Variants in ABCB5 observed in about 807,000 individuals in gnomAD.
ABCB5 encodes ATP-binding cassette sub-family B member 5.
Under a neutral mutation model 144.2 loss-of-function variants are expected in ABCB5, and 155 were observed. The observed-to-expected ratio is 1.08, with a 90% confidence interval of 0.94 to 1.23. The LOEUF (loss-of-function observed/expected upper bound fraction) is 1.23, where lower values mean the gene tolerates loss of function less well. Ranked by LOEUF, ABCB5 falls within the 50% of genes most tolerant of loss-of-function variation. ABCB5 has a pLI of 0.00. For missense variants in ABCB5, 1,830 were observed against 1,520.8 expected (o/e 1.20, Z -3.38); for synonymous variants, 610 against 528.6 (o/e 1.15, Z -2.11).
intron 15 of ABCB5, 32 bp from the exon 16 acceptor site, chr7:20,685,664 T>C (rs754668433): frequency 2.6e-6 from 4 of 1,547,660 alleles, no homozygotes; most frequent in Middle Eastern, 1.7e-4. Flanking sequence ...AAGGCATTCT[T>C]ATAATGATAA....
chr7:20,639,575 T>G (rs1784244400), intron 5 of ABCB5, among the ~76,000 whole-genome samples: 1 of 152,218 alleles, frequency 6.6e-6, no homozygotes, highest in African/African-American at 2.4e-5. Flanking sequence ...GCTGTCCAGT[T>G]GTCCCAGAAC....
chr7:20,654,146 T>G (rs1189134301), intron 13 of ABCB5, among the ~76,000 whole-genome samples: 1 of 152,154 alleles, frequency 6.6e-6, no homozygotes, highest in East Asian at 1.9e-4. Context: ...CAGTCAGTGC[T>G]TGAGTTGCCT....
At chr7:20,662,767 G>A (rs1785043142) in intron 14 of ABCB5, among the ~76,000 whole-genome samples, 1 of 152,154 alleles carries the variant, frequency 6.6e-6, no homozygotes, top group Non-Finnish European at 1.5e-5. Flanking sequence ...TTCTTTCAGA[G>A]TAATGGTCCT....
chr7:20,741,380 T>C (rs1490792329), intron 24 of ABCB5, among the ~76,000 whole-genome samples: 1 of 151,964 alleles, frequency 6.6e-6, no homozygotes, highest in Non-Finnish European at 1.5e-5. Context: ...CGGTATTCTG[T>C]TTTTTTAAAA....
intron 15 of ABCB5, among the ~76,000 whole-genome samples, chr7:20,682,051 A>T (rs1785849690): frequency 6.6e-6 from 1 of 152,056 alleles, no homozygotes; most frequent in African/African-American, 2.4e-5. Context: ...AAAAACACAC[A>T]AAAATTAGCT....
intron 16 of ABCB5, among the ~76,000 whole-genome samples, chr7:20,689,642 G>A (rs1786141015): frequency 6.6e-6 from 1 of 152,118 alleles, no homozygotes; most frequent in African/African-American, 2.4e-5. Context: ...GCAGGCACCT[G>A]CCTCTGAAAA....
At chr7:20,656,258 A>G (rs1286068554) in intron 13 of ABCB5, among the ~76,000 whole-genome samples, 2 of 152,316 alleles carry the variant, frequency 1.3e-5, no homozygotes, top group East Asian at 3.9e-4. Context: ...TTACTATAAA[A>G]AAAAGATAAA....
At chr7:20,728,085 G>C (rs1316568936) in intron 22 of ABCB5, among the ~76,000 whole-genome samples, 1 of 151,780 alleles carries the variant, frequency 6.6e-6, no homozygotes, top group Non-Finnish European at 1.5e-5. Flanking sequence ...TTGTTATACT[G>C]AACTAGAGAG....
At chr7:20,635,836 T>A (rs1425294672) in intron 5 of ABCB5, among the ~76,000 whole-genome samples, 1 of 152,148 alleles carries the variant, frequency 6.6e-6, no homozygotes, top group Admixed American at 6.6e-5. Context: ...TAAGACCATA[T>A]CATCAGCAAA....
chr7:20,652,817 T>C (rs576655510), intron 13 of ABCB5, among the ~76,000 whole-genome samples: 37 of 152,332 alleles, frequency 2.4e-4, no homozygotes, highest in African/African-American at 8.2e-4. Context: ...GATTTGCAAT[T>C]AAAATACATA....
Position 20,651,437 on chromosome 7 carries a change from T to C in ABCB5, c.1350T>C (p.Asn450=). 1 of 1,614,032 alleles carries C rather than the reference T, an allele frequency of 6.2e-7. No homozygotes were observed. ...ATTGGCAGATCATGGTGGATGAGAA[T>C]GACATCAGAGCTTTAAATGTGCGGC... ...PDDGFIMVDE[N]DIRALNVRHY... Residue 450 remains asparagine (N), a synonymous_variant, in exon 13 of 28, where the codon AAT becomes AAC. Transcript: ENST00000404938.
Position 20,745,097 on chromosome 7 carries a change from G to A in ABCB5, c.3223-135G>A. Reference sequence around the variant, plus strand: ...AACGTATGATTTATGAGCCTTCCTTGGGTAACTTTATACTTTGAAATAGCT... The same window carrying A: ...AACGTATGATTTATGAGCCTTCCTTAGGTAACTTTATACTTTGAAATAGCT... On this transcript the variant is annotated intron_variant, in intron 25 of 27. Transcript: ENST00000404938. The A allele has an allele frequency of 4.4e-6, 4 of 908,090 alleles. No individual in the cohort carries two copies. In the East Asian group the frequency reaches 7.8e-5, roughly 18 times the overall value. 56.3% of individuals were successfully genotyped at this position (908,090 alleles called of 1,614,324 possible). A position where few individuals can be genotyped will look rare whatever the true frequency, so the allele number is the denominator to read the frequency against.
intron 21 of ABCB5, among the ~76,000 whole-genome samples, chr7:20,723,464 G>A (rs1781938546): frequency 6.6e-6 from 1 of 152,180 alleles, no homozygotes; most frequent in Admixed American, 6.5e-5. Context: ...AATTAGCTGA[G>A]TTAGAATCCA....
intron 14 of ABCB5, among the ~76,000 whole-genome samples, chr7:20,680,514 G>C (rs1024453735): frequency 6.6e-6 from 1 of 151,110 alleles, no homozygotes; most frequent in Admixed American, 6.6e-5. Context: ...AGCTTGCAGT[G>C]AGCCGAGATT....
intron 16 of ABCB5, among the ~76,000 whole-genome samples, chr7:20,687,653 G>T (rs896825833): frequency 1.3e-5 from 2 of 152,180 alleles, no homozygotes; most frequent in African/African-American, 4.8e-5. Flanking sequence ...GTGACTCAAT[G>T]GCCATATTTT....
At chr7:20,671,610 A>G (rs940860011) in intron 14 of ABCB5, among the ~76,000 whole-genome samples, 14 of 152,196 alleles carry the variant, frequency 9.2e-5, no homozygotes, top group African/African-American at 3.1e-4. Flanking sequence ...ATTCAGCATA[A>G]TTATTTTGAG....
rs561111970 is a variant in ABCB5, at chr7:20,676,599, GAA to G, written c.1708-4904_1708-4903del. Among the ~76,000 whole-genome samples, 362 of 152,250 alleles carry G rather than the reference GAA, an allele frequency of 2.4e-3. 4 individuals carry two copies. Among genetic ancestry groups the G allele is most frequent in the African/African-American group, 8.3e-3 (346 of 41,538 alleles). On this transcript the variant is annotated intron_variant, in intron 14 of 27. Transcript: ENST00000404938. ...GGCTGCTAGGGAATGAGCAGGGAGAGAAACAGGGAATTGCTGTTCAGTGGGAA... is the reference window on the plus strand; with the variant it reads ...GGCTGCTAGGGAATGAGCAGGGAGAGACAGGGAATTGCTGTTCAGTGGGAA...
rs573493398 is a variant in ABCB5 at position 20,710,146 on chromosome 7, G to A, written c.2421+5339G>A. On this transcript the variant is annotated intron_variant, in intron 20 of 27. Transcript: ENST00000404938. ...ACCCAGCACTTTGGGAGACCGAGGC[G>A]GGTGGATCACCTGAGGTCGGGAGTT... Among the ~76,000 whole-genome samples the A allele has an allele frequency of 6.7e-5, 10 of 148,240 alleles. 1 individual carries two copies. Among genetic ancestry groups the A allele is most frequent in the Admixed American group, 3.4e-4 (5 of 14,884 alleles).
At chr7:20,688,450 A>G (rs577892963) in intron 16 of ABCB5, among the ~76,000 whole-genome samples, 3 of 152,308 alleles carry the variant, frequency 2.0e-5, no homozygotes, top group Admixed American at 2.0e-4. Flanking sequence ...AATGGCGATC[A>G]TTAAAAAGTC....
Sources: gnomAD v4.1 joint callset for allele counts (sites outside exome capture counted in the v4.1 genomes callset) on GRCh38, gnomAD v4.1.1 for gene constraint, MANE v1.5 for transcripts, NCBI Gene and HGNC (gene_info 2026-07-23, HGNC 2026-07-21) for gene names.